Variants in NCOA2 observed in about 807,000 individuals in gnomAD.
NCOA2 encodes the protein class E basic helix-loop-helix protein 75.
Under a neutral mutation model 145.1 loss-of-function variants are expected in NCOA2, and 21 were observed. The observed-to-expected ratio is 0.14, with a 90% CI of 0.10 to 0.21. The LOEUF is 0.21. NCOA2 is among the 10% of genes least tolerant of loss of function. The pLI is 1.00. For synonymous variants in NCOA2, 619 were observed against 637.5 expected (o/e 0.97, Z 0.44); for missense variants, 1,472 against 1,837.6 (o/e 0.80, Z 3.64).
chr8:70,378,413 G>T, intron 1 of NCOA2, among the ~76,000 whole-genome samples: 1 of 152,062 alleles, frequency 6.6e-6, no homozygotes, highest in East Asian at 1.9e-4. Flanking sequence ...GGTAGAAATG[G>T]GAAGGAACAC....
chr8:70,334,842 T>C (rs1399009127), intron 1 of NCOA2, among the ~76,000 whole-genome samples: 2 of 152,078 alleles, frequency 1.3e-5, no homozygotes, highest in African/African-American at 2.4e-5. Context: ...TCTCTCTCCT[T>C]GGCTGGGCGC....
At chr8:70,331,241 C>A (rs1171230292) in intron 1 of NCOA2, among the ~76,000 whole-genome samples, 1 of 152,012 alleles carries the variant, frequency 6.6e-6, no homozygotes, top group African/African-American at 2.4e-5. Context: ...ATAGAAACAA[C>A]AGCATAAAGC....
chr8:70,234,226 ATAGCT>A (rs1429849067), intron 2 of NCOA2, among the ~76,000 whole-genome samples: 1 of 152,198 alleles, frequency 6.6e-6, no homozygotes, highest in Non-Finnish European at 1.5e-5. Flanking sequence ...ATTCCATTGT[ATAGCT>A]ATACCAAATT....
intron 22 of NCOA2, among the ~76,000 whole-genome samples, chr8:70,116,196 A>AAAAAAAAAAAAT (rs1318011072): frequency 1.3e-5 from 2 of 150,926 alleles, no homozygotes; most frequent in East Asian, 3.9e-4. Context: ...TAAAAAAAAA[A>AAAAAAAAAAAAT]AAAAAAAAAA....
intron 13 of NCOA2, among the ~76,000 whole-genome samples, chr8:70,144,163 C>G (rs1206756261): frequency 6.6e-6 from 1 of 152,198 alleles, no homozygotes; most frequent in Non-Finnish European, 1.5e-5. Flanking sequence ...AGCTATTAGG[C>G]CAGGCATATT....
At chr8:70,121,578 T>C (rs1055227699) in intron 21 of NCOA2, among the ~76,000 whole-genome samples, 187 bp from the exon 22 acceptor site, 6 of 152,218 alleles carry the variant, frequency 3.9e-5, no homozygotes, top group Admixed American at 2.6e-4. Flanking sequence ...TAGAGGAACA[T>C]GAAAATACTC....
the NCOA2 span, among the ~76,000 whole-genome samples, chr8:70,455,633 C>T: frequency 6.7e-6 from 1 of 149,272 alleles, no homozygotes; most frequent in African/African-American, 2.5e-5. Flanking sequence ...TTGGTCTCTA[C>T]AAAGGCTGGA....
intron 12 of NCOA2, among the ~76,000 whole-genome samples, chr8:70,146,024 C>T (rs1369397665): frequency 1.3e-5 from 2 of 152,210 alleles, no homozygotes; most frequent in Non-Finnish European, 2.9e-5. Flanking sequence ...ACTGCTTTCT[C>T]ACAGCTATGA....
rs186318748 is a variant in NCOA2 at position 70,232,941 on chromosome 8, T to C, written c.-19-16177A>G. 3.2e-4 allele frequency among the ~76,000 whole-genome samples: 49 copies of C among 151,574 alleles called. No homozygotes were observed. In the East Asian group the frequency reaches 8.5e-3, roughly 26 times the overall value. ...TATTTCATTCTAGAAAGATAATACA[T>C]GTCGGCCAGGCGCGGTAGCTCATGC... On this transcript the variant is annotated intron_variant, in intron 2 of 22. Coordinates refer to ENST00000452400, the MANE Select transcript of NCOA2 (RefSeq NM_006540.4).
At chr8:70,346,506 T>G (rs1222679160) in intron 1 of NCOA2, among the ~76,000 whole-genome samples, 2 of 152,208 alleles carry the variant, frequency 1.3e-5, no homozygotes, top group Non-Finnish European at 2.9e-5. Context: ...TGAACTTGAG[T>G]TGCCTGCCTT....
In NCOA2 at chr8:70,276,710, A is replaced by G. The variant is rs374780825; in HGVS notation, c.-20+20034T>C. On this transcript the variant is annotated intron_variant, in intron 2 of 22. Transcript: ENST00000452400. ...TAAGTTTCCTGAGGCCTTCCTAACCATGTGAAACTGTGAGTCAATTAAACC... is the reference window on the plus strand; with the variant it reads ...TAAGTTTCCTGAGGCCTTCCTAACCGTGTGAAACTGTGAGTCAATTAAACC... 2.5e-4 allele frequency among the ~76,000 whole-genome samples: 38 copies of G among 152,252 alleles called. No homozygotes were observed. In the South Asian group the frequency reaches 7.5e-3, roughly 30 times the overall value.
intron 4 of NCOA2, among the ~76,000 whole-genome samples, chr8:70,179,957 T>C (rs1341007010): frequency 6.6e-6 from 1 of 152,210 alleles, no homozygotes. Context: ...TTTGTTTTTG[T>C]TTTTGTAGAG....
intron 4 of NCOA2, among the ~76,000 whole-genome samples, chr8:70,196,174 G>A (rs571835419): frequency 6.6e-6 from 1 of 152,076 alleles, no homozygotes; most frequent in Non-Finnish European, 1.5e-5. Flanking sequence ...TCAGGAGTTC[G>A]AGACCAGCCT....
chr8:70,420,330 G>A, the NCOA2 span, among the ~76,000 whole-genome samples: 3 of 152,122 alleles, frequency 2.0e-5, no homozygotes, highest in Non-Finnish European at 4.4e-5. Context: ...ATTTATCCAA[G>A]GCAGAAGTTC....
chr8:70,313,320 T>G (rs1207951898), intron 1 of NCOA2, among the ~76,000 whole-genome samples: 1 of 152,234 alleles, frequency 6.6e-6, no homozygotes, highest in Non-Finnish European at 1.5e-5. Context: ...ATGAGTTCCC[T>G]AATAACCAAA....
At chr8:70,198,949 C>T (rs1427374618) in intron 4 of NCOA2, among the ~76,000 whole-genome samples, 1 of 151,892 alleles carries the variant, frequency 6.6e-6, no homozygotes, top group South Asian at 2.1e-4. Context: ...AACTGTAAGA[C>T]GGGGGCTGTG....
At chr8:70,218,944 T>A (rs1201848123) in intron 2 of NCOA2, among the ~76,000 whole-genome samples, 1 of 152,160 alleles carries the variant, frequency 6.6e-6, no homozygotes, top group African/African-American at 2.4e-5. Flanking sequence ...TATAGTATTA[T>A]CAGAAAGATC....
chr8:70,119,596 A>G (rs565444645), intron 22 of NCOA2, among the ~76,000 whole-genome samples: 2 of 152,328 alleles, frequency 1.3e-5, no homozygotes, highest in African/African-American at 4.8e-5. Context: ...CTCCTGGATC[A>G]AATGATAATT....
intron 1 of NCOA2, among the ~76,000 whole-genome samples, chr8:70,391,483 T>C (rs1402721722): frequency 1.3e-5 from 2 of 152,206 alleles, no homozygotes; most frequent in Non-Finnish European, 2.9e-5. Context: ...ACCTAGAGAC[T>C]TCAGAAGGAA....
Sources: allele counts gnomAD v4.1 joint callset (sites outside exome capture counted in the v4.1 genomes callset), GRCh38; gene constraint gnomAD v4.1.1; transcripts MANE v1.5; gene names NCBI Gene and HGNC (gene_info 2026-07-23, HGNC 2026-07-21).